PBX3: variants seen among roughly 807,000 people sequenced by gnomAD.
The protein encoded by PBX3 is PBX homeobox 3, also known as pre-B-cell leukemia transcription factor 3.
Under a neutral mutation model 48.5 loss-of-function variants are expected in PBX3, and 14 were observed. The ratio of observed to expected loss-of-function variants is 0.29; its 90% CI spans 0.19 to 0.45. The LOEUF is 0.45. Among genes scored for constraint, PBX3 ranks in the 20% least tolerant of loss-of-function variants. The pLI is 1.00. For missense variants in PBX3, 386 were observed against 546.7 expected, an observed-to-expected ratio of 0.71 and a Z score of 2.93; for synonymous variants, 210 against 200.3, an observed-to-expected ratio of 1.05 and a Z score of -0.41.
At chr9:125,956,176 T>G (rs1842303174) in intron 5 of PBX3, among the ~76,000 whole-genome samples, 1 of 152,250 alleles carries the variant, frequency 6.6e-6, no homozygotes, top group African/African-American at 2.4e-5. Flanking sequence ...CTATTTATAT[T>G]GTTATTCTCA....
At chr9:125,775,854 A>G (rs1229424488) in intron 2 of PBX3, among the ~76,000 whole-genome samples, 2 of 152,226 alleles carry the variant, frequency 1.3e-5, no homozygotes, top group African/African-American at 2.4e-5. Flanking sequence ...AAGTCTTCCA[A>G]TCCATGAACA....
intron 2 of PBX3, chr9:125,865,167 CT>C: frequency 6.0e-6 from 1 of 166,824 alleles, no homozygotes. Flanking sequence ...GAGAGAACTC[CT>C]TTGGATTGGT....
At chr9:125,765,956 C>T (rs1031796722) in intron 2 of PBX3, among the ~76,000 whole-genome samples, 1 of 152,126 alleles carries the variant, frequency 6.6e-6, no homozygotes, top group African/African-American at 2.4e-5. Context: ...TTGATATTTT[C>T]TGAGTCATTA....
At chr9:125,827,302 T>C (rs1333823498) in intron 2 of PBX3, among the ~76,000 whole-genome samples, 2 of 152,174 alleles carry the variant, frequency 1.3e-5, no homozygotes, top group Non-Finnish European at 2.9e-5. Flanking sequence ...TTCTTCCTGT[T>C]AAGTTTAATA....
At chr9:125,849,601 C>T (rs1472515857) in intron 2 of PBX3, among the ~76,000 whole-genome samples, 1 of 151,888 alleles carries the variant, frequency 6.6e-6, no homozygotes, top group African/African-American at 2.4e-5. Flanking sequence ...ATCAAGATGC[C>T]TCTTATAATC....
At chr9:125,780,726 G>C (rs1837259134) in intron 2 of PBX3, among the ~76,000 whole-genome samples, 1 of 43,914 alleles carries the variant, frequency 2.3e-5, no homozygotes, top group South Asian at 8.1e-4. Flanking sequence ...ACGGGGGGCT[G>C]ACCCCCCCCA....
chr9:125,778,605 C>CTTTTTTTTTTTTTTTTTTTTTTTTCTT (rs138965100), intron 2 of PBX3, among the ~76,000 whole-genome samples: 1 of 132,902 alleles, frequency 7.5e-6, no homozygotes, highest in Non-Finnish European at 1.6e-5. Context: ...TTGATCTTTT[C>CTTTTTTTTTTTTTTTTTTTTTTTTCTT]TTTTTTTTTT....
intron 5 of PBX3, among the ~76,000 whole-genome samples, chr9:125,938,032 T>C (rs887801655): frequency 6.6e-5 from 10 of 152,202 alleles, no homozygotes; most frequent in Non-Finnish European, 1.3e-4. Context: ...ATTTAGAATC[T>C]AGAAATTGTT....
chr9:125,854,030 A>G (rs527251347), intron 2 of PBX3, among the ~76,000 whole-genome samples: 1 of 152,306 alleles, frequency 6.6e-6, no homozygotes, highest in East Asian at 1.9e-4. Flanking sequence ...GCAAATACAC[A>G]TACACATGCA....
intron 2 of PBX3, among the ~76,000 whole-genome samples, chr9:125,774,811 A>C (rs1396396498): frequency 6.6e-6 from 1 of 152,004 alleles, no homozygotes; most frequent in Non-Finnish European, 1.5e-5. Context: ...AGCAAATGCC[A>C]AACAATTTTC....
At chr9:125,927,506 T>G (rs1441997219) in intron 3 of PBX3, among the ~76,000 whole-genome samples, 1 of 152,204 alleles carries the variant, frequency 6.6e-6, no homozygotes, top group African/African-American at 2.4e-5. Context: ...TTGGGATATC[T>G]CTAGGGAAGT....
chr9:125,801,251 T>C (rs1453587759), intron 2 of PBX3, among the ~76,000 whole-genome samples: 1 of 152,224 alleles, frequency 6.6e-6, no homozygotes, highest in Non-Finnish European at 1.5e-5. Flanking sequence ...TTCTCTGTTT[T>C]CATCCTGCCA....
intron 2 of PBX3, among the ~76,000 whole-genome samples, chr9:125,899,665 G>A (rs1451789710): frequency 6.6e-6 from 1 of 151,092 alleles, no homozygotes; most frequent in South Asian, 2.1e-4. Flanking sequence ...TTCACTCTGC[G>A]GTTTCTGCAA....
intron 2 of PBX3, among the ~76,000 whole-genome samples, chr9:125,840,572 T>A (rs1839261927): frequency 6.6e-6 from 1 of 151,840 alleles, no homozygotes; most frequent in South Asian, 2.1e-4. Flanking sequence ...TTTAAAGAAC[T>A]GGCCATTTTT....
At chr9:125,834,327 A>G (rs969156853) in intron 2 of PBX3, among the ~76,000 whole-genome samples, 2 of 152,186 alleles carry the variant, frequency 1.3e-5, no homozygotes, top group African/African-American at 4.8e-5. Context: ...TCACCTTTCA[A>G]CAAGTTTTTA....
At chr9:125,782,937 G>C (rs1437221959) in intron 2 of PBX3, among the ~76,000 whole-genome samples, 2 of 151,984 alleles carry the variant, frequency 1.3e-5, no homozygotes, top group African/African-American at 4.8e-5. Context: ...TCCTTTTGAA[G>C]ATTCCTTCTA....
At chr9:125,865,897 T>A (rs1458558025) in intron 2 of PBX3, among the ~76,000 whole-genome samples, 1 of 152,164 alleles carries the variant, frequency 6.6e-6, no homozygotes, top group Middle Eastern at 3.2e-3. Context: ...GGCTGGGTAA[T>A]GTGTCAGGAC....
intron 5 of PBX3, among the ~76,000 whole-genome samples, chr9:125,938,596 G>A (rs1056045998): frequency 1.6e-4 from 24 of 152,250 alleles, no homozygotes; most frequent in African/African-American, 5.5e-4. Context: ...CATAACCTGA[G>A]TCTAATCACA....
intron 2 of PBX3, among the ~76,000 whole-genome samples, chr9:125,757,630 TATA>T (rs1336919024): frequency 6.6e-6 from 1 of 152,174 alleles, no homozygotes; most frequent in Admixed American, 6.6e-5. Context: ...AAGAACAAGT[TATA>T]ATAGATTGTG....
Sources: allele counts gnomAD v4.1 joint callset (sites outside exome capture counted in the v4.1 genomes callset), GRCh38; gene constraint gnomAD v4.1.1; transcripts MANE v1.5; gene names NCBI Gene and HGNC (gene_info 2026-07-23, HGNC 2026-07-21).